The following MPI variants were observed in gnomAD, a reference collection of about 807,000 sequenced individuals.
The protein encoded by MPI is mannose phosphate isomerase.
A neutral mutation model predicts 40.1 loss-of-function variants in MPI; 33 were observed. The ratio of observed to expected loss-of-function variants is 0.82; its 90% CI spans 0.62 to 1.10. The LOEUF is 1.10. Ranked by LOEUF, MPI falls within the 50% of genes least tolerant of loss-of-function variation. The pLI is 0.00. For synonymous variants in MPI, 187 were observed against 207.4 expected (o/e 0.90, Z 0.85); for missense variants, 514 against 524.1 (o/e 0.98, Z 0.19).
rs959399815 is a variant in MPI, at chr15:74,898,819, G to C, written c.*1089G>C. 6.6e-6 allele frequency: 1 copy of C among 152,474 alleles called. No individual in the cohort carries two copies. Among genetic ancestry groups the C allele is most frequent in the Non-Finnish European group, 1.5e-5 (1 of 68,288 alleles). 9.4% of individuals were successfully genotyped at this position (152,474 alleles called of 1,614,324 possible). A position where few individuals can be genotyped will look rare whatever the true frequency, so the allele number is the denominator to read the frequency against. On this transcript the variant is annotated 3_prime_UTR_variant, in exon 8 of 8. Coordinates refer to ENST00000352410, the MANE Select transcript of MPI (RefSeq NM_002435.3). The stretch of plus-strand genomic sequence containing the variant: ...CTCCCAAAGTGCTGGGATTACAGGC[G>C]TGAGCCACCACGCCTGGCCCGGCTC...
chr15:74,894,093 TG>T, intron 5 of MPI, among the ~76,000 whole-genome samples: 1 of 54,210 alleles, frequency 1.8e-5, no homozygotes, highest in East Asian at 6.7e-4. Context: ...TGTGTGTGTG[TG>T]TGTGTGTGTG....
In MPI at chr15:74,891,257, C is replaced by G. The variant is rs997667904; in HGVS notation, c.145-122C>G. 1.7e-5 allele frequency: 15 copies of G among 877,776 alleles called. No homozygotes were observed. The African/African-American group carries it at 2.3e-4, about 13-fold the overall frequency. The allele number at this position is 877,776 out of a possible 1,614,324, so 54.4% of individuals were successfully genotyped here. ...ATGGCATGAACATTTGTATCCAGAC[C>G]TGGGAGGCCTTTCCCAGGACTCAGT... On this transcript the variant is annotated intron_variant, in intron 2 of 7. Coordinates refer to ENST00000352410, the MANE Select transcript of MPI (RefSeq NM_002435.3).
Position 74,891,469 on chromosome 15 carries a change from C to G in MPI, c.235C>G (p.Gln79Glu). 6.2e-7 allele frequency: 1 copy of G among 1,614,234 alleles called. No homozygotes were observed. The highest frequency in any genetic ancestry group is 1.1e-5 in the South Asian group (1 of 91,090). Residue 79 changes from glutamine (Q) to glutamate (E), a missense_variant, in exon 3 of 8, where the codon CAG becomes GAG. Transcript: ENST00000352410. The stretch of plus-strand genomic sequence containing the variant: ...CCTAAGCCAGTGGATTGCTGAGAAC[C>G]AGGACAGCTTGGGCTCAAAGGTCAA... ...KTLSQWIAEN[Q>E]DSLGSKVKDT...
Position 74,891,490 on chromosome 15 carries a change from G to A in MPI, c.256G>A (p.Val86Ile), listed in dbSNP as rs774917281. The A allele has an allele frequency of 6.2e-6, 10 of 1,614,080 alleles. No homozygotes were observed. In the African/African-American group the frequency reaches 1.1e-4, roughly 17 times the overall value. The stretch of plus-strand genomic sequence containing the variant: ...GAACCAGGACAGCTTGGGCTCAAAG[G>A]TCAAGGACACCTTTAATGGCAACCT... ...AENQDSLGSK[V>I]KDTFNGNLPF... The change falls in exon 3 of 8, where the codon GTC becomes ATC. Residue 86 changes from valine to isoleucine, a missense_variant. Coordinates refer to ENST00000352410, the MANE Select transcript of MPI (RefSeq NM_002435.3).
Position 74,897,129 on chromosome 15 carries a change from C to T in MPI, c.963C>T (p.Asp321=), listed in dbSNP as rs1256066211. The T allele has an allele frequency of 6.2e-7, 1 of 1,614,096 alleles. No homozygotes were observed. Among genetic ancestry groups the T allele is most frequent in the African/African-American group, 1.3e-5 (1 of 74,936 alleles). The change falls in exon 7 of 8, where the codon GAC becomes GAT. Residue 321 remains aspartate (D), a synonymous_variant. Coordinates refer to ENST00000352410, the MANE Select transcript of MPI (RefSeq NM_002435.3). ...GCTATACCCCTAGCTCCAGCAAGGA[C>T]AGGCTCTTTCTCCCAACACGGAGTC... is the stretch of plus-strand genomic sequence containing the variant. ...MLSYTPSSSK[D]RLFLPTRSQE...
At chr15:74,894,384 C>G (rs1236732347) in intron 5 of MPI, among the ~76,000 whole-genome samples, 1 of 151,444 alleles carries the variant, frequency 6.6e-6, no homozygotes, top group Admixed American at 6.6e-5. Flanking sequence ...ACGCCAGGCC[C>G]CTTGCCTCAC....
At position 74,896,133 on chromosome 15, in the gene MPI, G is replaced by A; in HGVS notation, c.671-19G>A. 1.2e-6 allele frequency: 2 copies of A among 1,613,602 alleles called. No homozygotes were observed. The highest frequency in any genetic ancestry group is 1.7e-6 in the Non-Finnish European group (2 of 1,179,964). ...TGAGTATCCCCCTAAGTGACCTTGG[G>A]GTGCTCTGTGACCCTCAGCGGCTGC... is the stretch of plus-strand genomic sequence containing the variant. On this transcript the variant is annotated intron_variant, in intron 5 of 7. Coordinates refer to ENST00000352410, the MANE Select transcript of MPI (RefSeq NM_002435.3).
intron 5 of MPI, among the ~76,000 whole-genome samples, chr15:74,894,107 T>TGTGTGTGTGTGTGTGAGCCAG (rs1555478772): frequency 8.2e-5 from 5 of 60,950 alleles, no homozygotes; most frequent in Non-Finnish European, 2.3e-4. Flanking sequence ...TGTGTGTGTG[T>TGTGTGTGTGTGTGTGAGCCAG]GGTCTCTTTC....
intron 2 of MPI, 74 bp downstream of exon 2, chr15:74,890,728 T>A: frequency 3.7e-6 from 6 of 1,601,466 alleles, no homozygotes; most frequent in African/African-American, 1.3e-5. Context: ...GTCATAAGAA[T>A]CAGCTGGGAA....
chr15:74,895,534 A>G (rs988777606), intron 5 of MPI: 3 of 155,032 alleles, frequency 1.9e-5, no homozygotes, highest in Non-Finnish European at 4.3e-5. Context: ...TTGAGGCTGC[A>G]GTGAGGTATG....
In MPI at chr15:74,897,553, C is replaced by T. The variant is rs2064840337; in HGVS notation, c.1095C>T (p.Asp365=). ...SVTEYKVLAL[D]SASILLMVQG... is the part of the protein sequence containing the mutation. ...CTGAATACAAGGTCTTGGCACTGGA[C>T]TCTGCCAGCATCCTCCTGATGGTAC... The change falls in exon 8 of 8, where the codon GAC becomes GAT. Residue 365 remains aspartate, a synonymous_variant. Coordinates refer to ENST00000352410, the MANE Select transcript of MPI (RefSeq NM_002435.3). 1 of 1,614,164 alleles carries T rather than the reference C, an allele frequency of 6.2e-7. No individual in the cohort carries two copies. The highest frequency in any genetic ancestry group is 1.7e-5 in the Admixed American group (1 of 60,018).
chr15:74,890,225 C>T (rs1461468534), intron 1 of MPI, 136 bp downstream of exon 1: 1 of 1,287,330 alleles, frequency 7.8e-7, no homozygotes. Context: ...AGAGGTGTGG[C>T]CACCTGCGAT....
At chr15:74,890,212 G>A in intron 1 of MPI, 123 bp downstream of exon 1, 1 of 1,422,628 alleles carries the variant, frequency 7.0e-7, no homozygotes, top group South Asian at 1.2e-5. Flanking sequence ...GTGGGTGCCG[G>A]GCAGAGGTGT....
At chr15:74,894,806 AG>A (rs1049819957) in intron 5 of MPI, among the ~76,000 whole-genome samples, 3 of 149,052 alleles carry the variant, frequency 2.0e-5, no homozygotes, top group African/African-American at 7.3e-5. Flanking sequence ...AAAAAGAAAA[AG>A]AAAAAGAAAA....
rs780479484 is a variant in MPI, at chr15:74,891,418, C to A, written c.184C>A (p.Leu62Ile). 12 of 1,614,116 alleles carry A rather than the reference C, an allele frequency of 7.4e-6. No homozygotes were observed. Among genetic ancestry groups the A allele is most frequent in the Admixed American group, 3.3e-5 (2 of 60,002 alleles). The change falls in exon 3 of 8, where the codon CTT becomes ATT. Residue 62 changes from leucine (L) to isoleucine (I), a missense_variant. Leu to Ile is a conservative substitution (Grantham distance 5). Transcript: ENST00000352410. ...TCACCCCCGAGGGGATGCCAAGATC[C>A]TTGACAACCGCATCTCACAGAAGAC... ...GTHPRGDAKI[L>I]DNRISQKTLS...
chr15:74,893,579 G>A, intron 5 of MPI: 1 of 608,994 alleles, frequency 1.6e-6, no homozygotes, highest in Non-Finnish European at 3.0e-6. Context: ...CTCTTAGGAT[G>A]CCTTCCACCT....
chr15:74,891,230 T>C (rs2064721363), intron 2 of MPI, 149 bp from the exon 3 acceptor site: 1 of 758,764 alleles, frequency 1.3e-6, no homozygotes, highest in South Asian at 1.5e-5. Flanking sequence ...TGTATGTCCA[T>C]GATGGCATGA....
At position 74,890,598 on chromosome 15, in the gene MPI, C is replaced by G. The variant is rs1419824964; in HGVS notation, c.88C>G (p.Leu30Val). The G allele has an allele frequency of 7.4e-6, 12 of 1,614,160 alleles. No homozygotes were observed. Among genetic ancestry groups the G allele is most frequent in the Non-Finnish European group, 1.0e-5 (12 of 1,180,040 alleles). The change falls in exon 2 of 8, where the codon CTG becomes GTG. Residue 30 changes from leucine to valine, a missense_variant. By Grantham distance (32) the Leu-to-Val change is conservative (BLOSUM62 1). Coordinates refer to ENST00000352410, the MANE Select transcript of MPI (RefSeq NM_002435.3). ...KMGSNSEVAR[L>V]LASSDPLAQI... The stretch of plus-strand genomic sequence containing the variant: ...GGGTTCCAACAGCGAAGTGGCGCGG[C>G]TGTTGGCCAGCAGTGATCCACTGGC...
At chr15:74,893,061 G>A in intron 4 of MPI, 77 bp from the exon 5 acceptor site, 2 of 1,576,040 alleles carry the variant, frequency 1.3e-6, no homozygotes, top group Non-Finnish European at 8.7e-7. Context: ...GGATGGAAAG[G>A]TGTCCTCCAA....
Sources: gnomAD v4.1 joint callset for allele counts (sites outside exome capture counted in the v4.1 genomes callset) on GRCh38, gnomAD v4.1.1 for gene constraint, MANE v1.5 for transcripts, NCBI Gene and HGNC (gene_info 2026-07-23, HGNC 2026-07-21) for gene names.